RUBCN: variants seen among roughly 807,000 people sequenced by gnomAD.
The protein encoded by RUBCN is rubicon autophagy regulator.
RUBCN carries 74 observed loss-of-function variants against 113.2 expected under a neutral mutation model. The observed-to-expected ratio is 0.65, with a 90% CI of 0.54 to 0.79. RUBCN has a LOEUF of 0.79. Among genes scored for constraint, RUBCN ranks in the 30% least tolerant of loss-of-function variants. The probability of loss-of-function intolerance (pLI) is 0.00; values close to 1 mark genes in which losing one functional copy is unlikely to be tolerated. For synonymous variants in RUBCN, 480 were observed against 490.0 expected, an observed-to-expected ratio of 0.98 and a Z score of 0.27; for missense variants, 1,109 against 1,251.7, an observed-to-expected ratio of 0.89 and a Z score of 1.72.
chr3:197,693,890 A>G (rs1469693758), intron 10 of RUBCN, 74 bp from the exon 11 acceptor site: 5 of 982,224 alleles, frequency 5.1e-6, no homozygotes, highest in Non-Finnish European at 8.2e-6. Context: ...GTCACAATAT[A>G]AGGGATCTGA....
chr3:197,700,978 A>G lies in RUBCN; in HGVS notation c.896T>C (p.Leu299Pro). 6.2e-7 allele frequency: 1 copy of G among 1,614,200 alleles called. No individual in the cohort carries two copies. Among genetic ancestry groups the G allele is most frequent in the Non-Finnish European group, 8.5e-7 (1 of 1,180,046 alleles). Residue 299 changes from leucine to proline, a missense_variant, in exon 7 of 20, where the codon CTG (leucine) becomes CCG (proline). Physicochemically the swap from Leu to Pro is moderately conservative, Grantham distance 98. Coordinates refer to ENST00000296343, the MANE Select transcript of RUBCN (RefSeq NM_014687.4). ...LTPNEMSSST[L>P]TSPIEASWVS... ...CCAGGATGCCTCTATGGGGCTGGTC[A>G]GAGTACTGGAGCTCATTTCATTTGG... is the stretch of plus-strand genomic sequence containing the variant.
chr3:197,717,107 C>T (rs778586331), intron 2 of RUBCN, among the ~76,000 whole-genome samples: 7 of 151,278 alleles, frequency 4.6e-5, no homozygotes, highest in South Asian at 4.2e-4. Flanking sequence ...GGTGACAGAG[C>T]GAGACCCCGT....
intron 1 of RUBCN, among the ~76,000 whole-genome samples, chr3:197,742,441 C>T (rs146601631): frequency 0.021 from 3,195 of 151,792 alleles, 59 homozygotes; most frequent in Non-Finnish European, 0.035. Flanking sequence ...TTCAGTGAGC[C>T]GAGATCCCAC....
At chr3:197,744,977 T>A (rs1448592764) in intron 1 of RUBCN, among the ~76,000 whole-genome samples, 1 of 152,052 alleles carries the variant, frequency 6.6e-6, no homozygotes, top group African/African-American at 2.4e-5. Context: ...ATCAAATATA[T>A]CTCAAAACTA....
Position 197,709,671 on chromosome 3 carries a change from C to T in RUBCN, c.220-4496G>A, listed in dbSNP as rs147545636. Among the ~76,000 whole-genome samples the T allele has an allele frequency of 8.9e-3, 1,353 of 152,160 alleles. 14 individuals carry two copies. Among genetic ancestry groups the T allele is most frequent in the South Asian group, 0.043 (206 of 4,814 alleles). ...CTGGGATTACAGGGGTGAGCCACCG[C>T]GCCCGGCCTGAAAAGCTACTATATT... On this transcript the variant is annotated intron_variant, in intron 2 of 19. Transcript: ENST00000296343.
intron 2 of RUBCN, among the ~76,000 whole-genome samples, chr3:197,709,903 G>A (rs551115404): frequency 2.6e-5 from 4 of 151,956 alleles, no homozygotes; most frequent in South Asian, 2.1e-4. Flanking sequence ...GTGTGGTGGC[G>A]CACACCCGTT....
intron 5 of RUBCN, 95 bp from the exon 6 acceptor site, chr3:197,701,959 C>G (rs949640321): frequency 7.6e-6 from 9 of 1,184,140 alleles, no homozygotes; most frequent in Non-Finnish European, 1.1e-5. Context: ...GCCATAGAAG[C>G]TACCTTTGCA....
In RUBCN at chr3:197,718,085, C is replaced by G; in HGVS notation, c.111G>C (p.Glu37Asp). 3 of 1,614,250 alleles carry G rather than the reference C, an allele frequency of 1.9e-6. No homozygotes were observed. Among genetic ancestry groups the G allele is most frequent in the Non-Finnish European group, 2.5e-6 (3 of 1,180,052 alleles). Residue 37 changes from glutamate to aspartate, a missense_variant, in exon 2 of 20, where the codon GAG (glutamate) becomes GAC (aspartate). Coordinates refer to ENST00000296343, the MANE Select transcript of RUBCN (RefSeq NM_014687.4). ...QLLGNLKTTV[E>D]GLVSTNSPNV... is the part of the protein sequence containing the mutation. ...TGGGGCTGTTGGTTGATACCAAACC[C>G]TCCACCGTCGTCTTCAAATTACCCA...
chr3:197,689,243 G>T (rs1461515247), intron 11 of RUBCN, among the ~76,000 whole-genome samples: 1 of 151,956 alleles, frequency 6.6e-6, no homozygotes, highest in East Asian at 1.9e-4. Flanking sequence ...TCCCAGGCTG[G>T]TCTCCAACTC....
chr3:197,735,942 C>T (rs531651118), intron 1 of RUBCN, among the ~76,000 whole-genome samples: 2 of 152,276 alleles, frequency 1.3e-5, no homozygotes, highest in South Asian at 4.1e-4. Context: ...TATGAGCTTT[C>T]TGACATGGTT....
In RUBCN at chr3:197,676,825, C is replaced by G. The variant is rs749917032; in HGVS notation, c.2646+60G>C. The G allele has an allele frequency of 3.3e-5, 54 of 1,612,474 alleles. No individual in the cohort carries two copies. In the Admixed American group the frequency reaches 8.8e-4, roughly 26 times the overall value. On this transcript the variant is annotated intron_variant, in intron 18 of 19. Transcript: ENST00000296343. The stretch of plus-strand genomic sequence containing the variant: ...AAGTGGCAAGAACCCCAGGTCCACC[C>G]CCCTCCCTGTATCCCTAAAAGCAAG...
upstream of RUBCN, chr3:197,749,788 G>A (rs1728931023): frequency 4.0e-6 from 2 of 499,064 alleles, no homozygotes; most frequent in Non-Finnish European, 7.2e-6. Flanking sequence ...TCACGGCGCG[G>A]GGCCGCTCTG....
chr3:197,698,717 G>C (rs1032432651), intron 7 of RUBCN, among the ~76,000 whole-genome samples: 3 of 151,584 alleles, frequency 2.0e-5, no homozygotes, highest in African/African-American at 7.3e-5. Flanking sequence ...TTCTGGGCCA[G>C]GTGTGGTGGA....
intron 1 of RUBCN, among the ~76,000 whole-genome samples, chr3:197,744,578 G>A (rs1486010460): frequency 6.6e-6 from 1 of 152,146 alleles, no homozygotes; most frequent in East Asian, 1.9e-4. Context: ...CTTTCCCTCT[G>A]GGGTTGGGAA....
chr3:197,685,816 G>C (rs1171565311), intron 11 of RUBCN, among the ~76,000 whole-genome samples: 2 of 152,200 alleles, frequency 1.3e-5, no homozygotes, highest in African/African-American at 4.8e-5. Flanking sequence ...GCTAGTTAGT[G>C]CTGGTAGAGA....
chr3:197,710,895 T>C (rs1307826870), intron 2 of RUBCN, among the ~76,000 whole-genome samples: 1 of 152,098 alleles, frequency 6.6e-6, no homozygotes, highest in African/African-American at 2.4e-5. Context: ...CTTGGCTCAC[T>C]GCAAACTCTG....
At position 197,734,380 on chromosome 3, in the gene RUBCN, G is replaced by A. The variant is rs544960130; in HGVS notation, c.65+2275C>T. Among the ~76,000 whole-genome samples the A allele has an allele frequency of 2.3e-3, 353 of 151,116 alleles. 3 individuals carry two copies. The highest frequency in any genetic ancestry group is 4.1e-3 in the Non-Finnish European group (275 of 67,872). On this transcript the variant is annotated intron_variant, in intron 1 of 19. Coordinates refer to ENST00000296343, the MANE Select transcript of RUBCN (RefSeq NM_014687.4). ...AGCCCAGGAGTTTGAGACCAGCCTA[G>A]GCAACATAGTGAGACCCTGTCTAAA...
chr3:197,733,489 T>TATAA (rs917149153), intron 1 of RUBCN, among the ~76,000 whole-genome samples: 66 of 152,240 alleles, frequency 4.3e-4, no homozygotes, highest in African/African-American at 1.6e-3. Context: ...CTTTAAAATA[T>TATAA]ATAAATAAAT....
At chr3:197,734,044 T>G (rs1259626698) in intron 1 of RUBCN, among the ~76,000 whole-genome samples, 1 of 151,892 alleles carries the variant, frequency 6.6e-6, no homozygotes, top group Non-Finnish European at 1.5e-5. Flanking sequence ...TCCTCTGAGG[T>G]CAGGAGTTTG....
Sources: gnomAD v4.1 joint callset for allele counts (sites outside exome capture counted in the v4.1 genomes callset) on GRCh38, gnomAD v4.1.1 for gene constraint, MANE v1.5 for transcripts, NCBI Gene and HGNC (gene_info 2026-07-23, HGNC 2026-07-21) for gene names.